Variants in GPC5 observed in about 807,000 individuals in gnomAD.
GPC5 encodes glypican-5.
In GPC5, 47 loss-of-function variants were observed where a neutral mutation model predicts 53.9. The ratio of observed to expected loss-of-function variants is 0.87; its 90% CI spans 0.69 to 1.11. GPC5 has a LOEUF of 1.11. Among genes scored for constraint, GPC5 ranks in the 50% most tolerant of loss-of-function variants. The pLI is 0.00. For synonymous variants in GPC5, 286 were observed against 263.3 expected, an observed-to-expected ratio of 1.09 and a Z score of -0.84; for missense variants, 748 against 713.1, an observed-to-expected ratio of 1.05 and a Z score of -0.56.
chr13:91,794,818 T>C (rs1209462077), intron 5 of GPC5, among the ~76,000 whole-genome samples: 9 of 152,118 alleles, frequency 5.9e-5, no homozygotes, highest in Admixed American at 1.3e-4. Flanking sequence ...TGATTATTAG[T>C]TTATAGGTGT....
intron 6 of GPC5, among the ~76,000 whole-genome samples, chr13:92,074,062 A>G (rs2041234059): frequency 6.6e-6 from 1 of 152,100 alleles, no homozygotes; most frequent in Admixed American, 6.6e-5. Context: ...ATTCAGTTCA[A>G]CGCGAATTTT....
chr13:91,702,257 T>A (rs1012289442), intron 3 of GPC5, among the ~76,000 whole-genome samples: 2 of 152,150 alleles, frequency 1.3e-5, no homozygotes, highest in African/African-American at 4.8e-5. Flanking sequence ...CTTCACTCTG[T>A]TGATTGTTTC....
chr13:92,657,284 A>T (rs1222493409), intron 7 of GPC5, among the ~76,000 whole-genome samples: 1 of 152,278 alleles, frequency 6.6e-6, no homozygotes, highest in East Asian at 1.9e-4. Flanking sequence ...ATTTCATGGA[A>T]ATACTAAGTA....
At chr13:91,844,697 T>A (rs1342809733) in intron 5 of GPC5, among the ~76,000 whole-genome samples, 1 of 152,024 alleles carries the variant, frequency 6.6e-6, no homozygotes, top group Non-Finnish European at 1.5e-5. Flanking sequence ...CTTTGATCCT[T>A]GTGTGTTTTT....
intron 6 of GPC5, among the ~76,000 whole-genome samples, chr13:92,113,788 AAAGT>A (rs1196885431): frequency 4.6e-5 from 7 of 152,096 alleles, no homozygotes; most frequent in Admixed American, 2.6e-4. Context: ...TGAGGAGACC[AAAGT>A]AAGACACTTT....
chr13:92,631,701 A>G (rs957388175), intron 7 of GPC5, among the ~76,000 whole-genome samples: 5 of 152,174 alleles, frequency 3.3e-5, no homozygotes, highest in African/African-American at 1.2e-4. Flanking sequence ...GCAAAGGATG[A>G]GCATCCTTAA....
At chr13:92,442,988 A>G (rs1877638666) in intron 7 of GPC5, among the ~76,000 whole-genome samples, 1 of 152,202 alleles carries the variant, frequency 6.6e-6, no homozygotes, top group African/African-American at 2.4e-5. Flanking sequence ...CAATAATGGA[A>G]TACCGGAGGC....
intron 6 of GPC5, among the ~76,000 whole-genome samples, chr13:92,064,221 T>G (rs2041146782): frequency 6.6e-6 from 1 of 152,226 alleles, no homozygotes; most frequent in East Asian, 1.9e-4. Context: ...TTGTAATATA[T>G]TAGGCTATTA....
At chr13:92,365,227 G>T (rs986279530) in intron 7 of GPC5, among the ~76,000 whole-genome samples, 13 of 151,758 alleles carry the variant, frequency 8.6e-5, no homozygotes, top group African/African-American at 3.2e-4. Flanking sequence ...AACCTGCATA[G>T]TACGTTATTG....
At chr13:92,381,530 G>A (rs558326176) in intron 7 of GPC5, among the ~76,000 whole-genome samples, 1 of 152,072 alleles carries the variant, frequency 6.6e-6, no homozygotes, top group African/African-American at 2.4e-5. Flanking sequence ...AATGAACAGG[G>A]AACACTTCTA....
intron 7 of GPC5, among the ~76,000 whole-genome samples, chr13:92,559,366 GTGT>G (rs1882615994): frequency 6.8e-6 from 1 of 147,706 alleles, no homozygotes; most frequent in Non-Finnish European, 1.5e-5. Context: ...GTGTGTGTGT[GTGT>G]TGGGGTGTGG....
In GPC5 at chr13:92,508,273, G is replaced by A. The variant is rs538555869; in HGVS notation, c.1562-358009G>A. ...CACTGTGCATGGCCTACTTATAAGA[G>A]TTAACTCAATAAATTAGCATTCATT... On this transcript the variant is annotated intron_variant, in intron 7 of 7. Coordinates refer to ENST00000377067, the MANE Select transcript of GPC5 (RefSeq NM_004466.6). 3.3e-5 allele frequency among the ~76,000 whole-genome samples: 5 copies of A among 152,214 alleles called. No individual in the cohort carries two copies. The South Asian group carries it at 6.2e-4, about 19-fold the overall frequency.
At chr13:91,631,081 A>T (rs1229455054) in intron 2 of GPC5, among the ~76,000 whole-genome samples, 1 of 152,142 alleles carries the variant, frequency 6.6e-6, no homozygotes, top group Non-Finnish European at 1.5e-5. Context: ...GAAATTCATT[A>T]TCCTGTGCAT....
chr13:91,980,626 T>C (rs2040348593), intron 6 of GPC5, among the ~76,000 whole-genome samples: 1 of 152,226 alleles, frequency 6.6e-6, no homozygotes, highest in African/African-American at 2.4e-5. Flanking sequence ...TCTTTACTTT[T>C]TAAGAATCAA....
At chr13:92,730,560 A>G (rs1422645563) in intron 7 of GPC5, among the ~76,000 whole-genome samples, 1 of 151,380 alleles carries the variant, frequency 6.6e-6, no homozygotes, top group Non-Finnish European at 1.5e-5. Flanking sequence ...ATCTTCGTGA[A>G]AAATGTAAGA....
intron 3 of GPC5, among the ~76,000 whole-genome samples, chr13:91,705,883 C>CTTTTTTTTTTTTTTTTTTTT (rs11411010): frequency 7.4e-6 from 1 of 134,270 alleles, no homozygotes; most frequent in Non-Finnish European, 1.6e-5. Flanking sequence ...TCTTTCTTTT[C>CTTTTTTTTTTTTTTTTTTTT]TTTTTTTTTT....
Position 92,230,868 on chromosome 13 carries a change from G to A in GPC5, c.1561+85879G>A, listed in dbSNP as rs528962087. Among the ~76,000 whole-genome samples, 7 of 152,172 alleles carry A rather than the reference G, an allele frequency of 4.6e-5. No individual in the cohort carries two copies. The South Asian group carries it at 1.5e-3, about 32-fold the overall frequency. ...ATGTAAAGGTAGGATTTTTCATAAAGTTAGAAATAAGAAAATTAATTACCA... is the reference window on the plus strand; with the variant it reads ...ATGTAAAGGTAGGATTTTTCATAAAATTAGAAATAAGAAAATTAATTACCA... On this transcript the variant is annotated intron_variant, in intron 7 of 7. Transcript: ENST00000377067.
intron 7 of GPC5, among the ~76,000 whole-genome samples, chr13:92,770,219 G>A (rs1875559403): frequency 6.6e-6 from 1 of 152,020 alleles, no homozygotes; most frequent in South Asian, 2.1e-4. Context: ...TTCAAGACCA[G>A]CCTGGGCAAT....
rs1465741191 is a variant in GPC5, at chr13:91,979,211, G to A, written c.1401+71154G>A. Among the ~76,000 whole-genome samples the A allele has an allele frequency of 2.0e-5, 3 of 151,726 alleles. No homozygotes were observed. In the East Asian group the frequency reaches 5.8e-4, roughly 29 times the overall value. On this transcript the variant is annotated intron_variant, in intron 6 of 7. Coordinates refer to ENST00000377067, the MANE Select transcript of GPC5 (RefSeq NM_004466.6). ...AGCTAGAGGTAAGGGGAAATAAAAA[G>A]CCCATAGTGATTTTTTTTTTAAATC...
Sources: allele counts gnomAD v4.1 joint callset (sites outside exome capture counted in the v4.1 genomes callset), GRCh38; gene constraint gnomAD v4.1.1; transcripts MANE v1.5; gene names NCBI Gene and HGNC (gene_info 2026-07-23, HGNC 2026-07-21).